The following CPNE4 variants were observed in gnomAD, a reference collection of about 807,000 sequenced individuals.
CPNE4 encodes the protein copine 4, also known as copine-4.
A neutral mutation model predicts 67.9 loss-of-function variants in CPNE4; 25 were observed. The ratio of observed to expected loss-of-function variants is 0.37; its 90% CI spans 0.27 to 0.51. The LOEUF is 0.51. CPNE4 is among the 20% of genes least tolerant of loss of function. The probability of loss-of-function intolerance (pLI) is 0.93; values close to 1 mark genes in which losing one functional copy is unlikely to be tolerated. For synonymous variants in CPNE4, 242 were observed against 244.9 expected (o/e 0.99, Z 0.11); for missense variants, 464 against 690.8 (o/e 0.67, Z 3.68).
chr3:131,906,184 T>C (rs1026045628), intron 1 of CPNE4, among the ~76,000 whole-genome samples: 1 of 111,842 alleles, frequency 8.9e-6, no homozygotes, highest in South Asian at 2.9e-4. Context: ...CCATGTGATA[T>C]CCTTTATTTT....
At chr3:131,862,025 C>T (rs2086711036) in intron 2 of CPNE4, among the ~76,000 whole-genome samples, 1 of 152,146 alleles carries the variant, frequency 6.6e-6, no homozygotes, top group African/African-American at 2.4e-5. Flanking sequence ...TTATTCAAGT[C>T]CCAGTAGACA....
At chr3:131,957,884 G>A (rs188692776) in intron 1 of CPNE4, among the ~76,000 whole-genome samples, 12 of 152,334 alleles carry the variant, frequency 7.9e-5, no homozygotes, top group Non-Finnish European at 1.0e-4. Flanking sequence ...AGGTTTGGAA[G>A]TTTTATTCTT....
At chr3:131,927,849 A>C (rs968453968) in intron 1 of CPNE4, among the ~76,000 whole-genome samples, 1 of 152,120 alleles carries the variant, frequency 6.6e-6, no homozygotes, top group Non-Finnish European at 1.5e-5. Context: ...TTGAGAGAAC[A>C]CTCATTCAAG....
At chr3:131,779,838 G>T (rs1383682358) in intron 2 of CPNE4, among the ~76,000 whole-genome samples, 1 of 151,980 alleles carries the variant, frequency 6.6e-6, no homozygotes, top group Admixed American at 6.6e-5. Context: ...ATTGATAAGT[G>T]GGACATAATT....
At chr3:131,849,434 G>C (rs900940584) in intron 2 of CPNE4, among the ~76,000 whole-genome samples, 1 of 152,004 alleles carries the variant, frequency 6.6e-6, no homozygotes, top group African/African-American at 2.4e-5. Context: ...ATGGCCAGAC[G>C]GGAAGAATAG....
intron 2 of CPNE4, among the ~76,000 whole-genome samples, chr3:131,782,827 T>C: frequency 6.6e-6 from 1 of 152,116 alleles, no homozygotes; most frequent in East Asian, 1.9e-4. Flanking sequence ...TGAGTCCTCA[T>C]AGATTTTATG....
chr3:131,649,014 C>G (rs1000200163), intron 7 of CPNE4, among the ~76,000 whole-genome samples: 1 of 152,184 alleles, frequency 6.6e-6, no homozygotes, highest in Admixed American at 6.5e-5. Context: ...AACTCTATGT[C>G]CCTGGGTTTG....
At chr3:132,030,858 T>C (rs181906661) in intron 1 of CPNE4, among the ~76,000 whole-genome samples, 1 of 152,224 alleles carries the variant, frequency 6.6e-6, no homozygotes, top group Non-Finnish European at 1.5e-5. Context: ...GTTTAGGAGA[T>C]ATTCACTGAG....
At chr3:131,682,382 C>T (rs75362724) in intron 6 of CPNE4, among the ~76,000 whole-genome samples, 2,109 of 152,190 alleles carry the variant, frequency 0.014, 26 homozygotes, top group Non-Finnish European at 0.024. Flanking sequence ...TGATGCTGGG[C>T]TCTTTCAGAC....
At position 131,743,962 on chromosome 3, in the gene CPNE4, C is replaced by CAAAAAAAAA. The variant is rs67791015; in HGVS notation, c.181-20346_181-20338dup. On this transcript the variant is annotated intron_variant, in intron 2 of 15. Transcript: ENST00000429747. ...TGGGCGACAGAGCGAGACTCCGTCT[C>CAAAAAAAAA]AAAAAAAAAAAAAAAAAAAAAACAA... 3.2e-3 allele frequency among the ~76,000 whole-genome samples: 189 copies of CAAAAAAAAA among 59,154 alleles called. 13 individuals carry two copies. The highest frequency in any genetic ancestry group is 0.023 in the Middle Eastern group (1 of 44). 38.8% of individuals were successfully genotyped at this position (59,154 alleles called of 152,430 possible). A position where few individuals can be genotyped will look rare whatever the true frequency, so the allele number is the denominator to read the frequency against.
At chr3:131,564,429 C>T in intron 10 of CPNE4, 80 bp from the exon 11 acceptor site, 1 of 1,393,174 alleles carries the variant, frequency 7.2e-7, no homozygotes, top group Non-Finnish European at 9.8e-7. Flanking sequence ...TGAGAGAGAC[C>T]TGGCCTCGGG....
At chr3:131,843,647 T>C (rs901120317) in intron 2 of CPNE4, among the ~76,000 whole-genome samples, 18 of 152,248 alleles carry the variant, frequency 1.2e-4, no homozygotes, top group African/African-American at 4.1e-4. Flanking sequence ...GAAATTGTCC[T>C]AGTTCCAGCT....
At chr3:131,884,482 G>A (rs1315474775) in intron 2 of CPNE4, among the ~76,000 whole-genome samples, 1 of 152,142 alleles carries the variant, frequency 6.6e-6, no homozygotes, top group Non-Finnish European at 1.5e-5. Context: ...AGGCATGGTG[G>A]GCACCAGCAG....
intron 2 of CPNE4, among the ~76,000 whole-genome samples, chr3:131,790,116 C>T (rs540436703): frequency 6.6e-6 from 1 of 152,252 alleles, no homozygotes; most frequent in East Asian, 1.9e-4. Flanking sequence ...TTTCAGGCAG[C>T]CTGGCAGTAT....
At chr3:131,828,329 A>G (rs1213636869) in intron 2 of CPNE4, among the ~76,000 whole-genome samples, 2 of 152,192 alleles carry the variant, frequency 1.3e-5, no homozygotes, top group Non-Finnish European at 1.5e-5. Flanking sequence ...TGTCTCCCTA[A>G]TTTATAACAC....
intron 2 of CPNE4, among the ~76,000 whole-genome samples, chr3:131,791,733 C>G (rs940990449): frequency 6.6e-6 from 1 of 152,196 alleles, no homozygotes; most frequent in East Asian, 1.9e-4. Context: ...TGGTGTTTCC[C>G]GATTTGAAGT....
At chr3:131,725,992 G>T (rs2081990582) in intron 2 of CPNE4, among the ~76,000 whole-genome samples, 1 of 152,156 alleles carries the variant, frequency 6.6e-6, no homozygotes, top group Non-Finnish European at 1.5e-5. Flanking sequence ...CCATATAAGA[G>T]ATTTAATTAT....
At chr3:131,810,621 C>T (rs2107938217) in intron 2 of CPNE4, among the ~76,000 whole-genome samples, 1 of 152,094 alleles carries the variant, frequency 6.6e-6, no homozygotes, top group Middle Eastern at 3.4e-3. Flanking sequence ...TGGAAAACAG[C>T]ATGGAGAGTT....
intron 7 of CPNE4, among the ~76,000 whole-genome samples, chr3:131,599,646 TC>T (rs1158145550): frequency 6.6e-6 from 1 of 152,202 alleles, no homozygotes; most frequent in African/African-American, 2.4e-5. Context: ...TCAGTCATGT[TC>T]ATCCCTTGTC....
Sources: gnomAD v4.1 joint callset for allele counts (sites outside exome capture counted in the v4.1 genomes callset) on GRCh38, gnomAD v4.1.1 for gene constraint, MANE v1.5 for transcripts, NCBI Gene and HGNC (gene_info 2026-07-23, HGNC 2026-07-21) for gene names.